The following AATF variants were observed in gnomAD, a reference collection of about 807,000 sequenced individuals.
AATF encodes protein AATF.
Under a neutral mutation model 63.7 loss-of-function variants are expected in AATF, and 48 were observed. That is an observed-to-expected ratio of 0.75 (90% CI 0.60 to 0.96). The LOEUF (loss-of-function observed/expected upper bound fraction) is 0.96. Among genes scored for constraint, AATF ranks in the 40% least tolerant of loss-of-function variants. The pLI is 0.00. For missense variants in AATF, 639 were observed against 685.7 expected, an observed-to-expected ratio of 0.93 and a Z score of 0.76; for synonymous variants, 258 against 247.7, an observed-to-expected ratio of 1.04 and a Z score of -0.39.
At chr17:36,951,699 T>A (rs945443521) in intron 2 of AATF, among the ~76,000 whole-genome samples, 1 of 152,242 alleles carries the variant, frequency 6.6e-6, no homozygotes, top group African/African-American at 2.4e-5. Context: ...GTAAACTCTG[T>A]ATGAATGTTT....
At chr17:37,048,364 T>A (rs10566791) in intron 11 of AATF, among the ~76,000 whole-genome samples, 1 of 65,172 alleles carries the variant, frequency 1.5e-5, no homozygotes, top group African/African-American at 1.8e-4. Context: ...TTTTCTTTTC[T>A]TTTTTTTTTT....
chr17:37,012,185 C>G (rs961536914), intron 8 of AATF, among the ~76,000 whole-genome samples: 2 of 152,020 alleles, frequency 1.3e-5, no homozygotes, highest in African/African-American at 4.8e-5. Context: ...ACCCTAGTAG[C>G]TGGGATTACA....
At position 36,988,652 on chromosome 17, in the gene AATF, G is replaced by A. The variant is rs2071188303; in HGVS notation, c.1081G>A (p.Val361Ile). ...FMAKRFADFT[V>I]YRNRTLQKWH... Reference sequence around the variant, plus strand: ...GGCAAAGCGCTTTGCCGACTTTACAGTCTACAGGAACCGCACACTTCAGAA... The same window carrying A: ...GGCAAAGCGCTTTGCCGACTTTACAATCTACAGGAACCGCACACTTCAGAA... Residue 361 changes from valine (V) to isoleucine (I), a missense_variant, in exon 6 of 12, where the codon GTC becomes ATC. Transcript: ENST00000619387. The A allele has an allele frequency of 2.5e-6, 4 of 1,614,074 alleles. No individual in the cohort carries two copies. Among genetic ancestry groups the A allele is most frequent in the Non-Finnish European group, 3.4e-6 (4 of 1,180,032 alleles).
chr17:37,028,340 G>A (rs962958116), intron 10 of AATF, among the ~76,000 whole-genome samples: 8 of 152,006 alleles, frequency 5.3e-5, no homozygotes, highest in Non-Finnish European at 8.8e-5. Context: ...AGGCAGAGGT[G>A]GGGGGATGGC....
intron 4 of AATF, among the ~76,000 whole-genome samples, chr17:36,954,708 A>G (rs1465248442): frequency 6.6e-6 from 1 of 152,224 alleles, no homozygotes; most frequent in Non-Finnish European, 1.5e-5. Flanking sequence ...ACATGAGAGA[A>G]TTAAGACCCA....
At position 37,021,687 on chromosome 17, in the gene AATF, C is replaced by T. The variant is rs1261580160; in HGVS notation, c.1547+673C>T. 4.9e-5 allele frequency among the ~76,000 whole-genome samples: 4 copies of T among 82,444 alleles called. 1 individual carries two copies. Among genetic ancestry groups the T allele is most frequent in the African/African-American group, 1.5e-4 (1 of 6,758 alleles). The allele number at this position is 82,444 out of a possible 152,430, so 54.1% of individuals were successfully genotyped here. On this transcript the variant is annotated intron_variant, in intron 10 of 11. Transcript: ENST00000619387. ...GGGCGTAGTGGCGGGCGCCTGTAGT[C>T]CCAGCTACTCGGGAGGCTGAGGCAG...
At chr17:37,049,107 A>G (rs773398342) in intron 11 of AATF, among the ~76,000 whole-genome samples, 7 of 152,194 alleles carry the variant, frequency 4.6e-5, no homozygotes, top group Admixed American at 6.5e-5. Context: ...TGAGGAAGCT[A>G]AGATTCAGGG....
At position 37,021,631 on chromosome 17, in the gene AATF, A is replaced by AAAT. The variant is rs200245230; in HGVS notation, c.1547+629_1547+631dup. ...GTGACAGAGCGAGATTCTATCTAAA[A>AAAT]AATAATAATAATAAATACAAAAAAT... On this transcript the variant is annotated intron_variant, in intron 10 of 11. Coordinates refer to ENST00000619387, the MANE Select transcript of AATF (RefSeq NM_012138.4). Among the ~76,000 whole-genome samples, 167 of 128,908 alleles carry AAAT rather than the reference A, an allele frequency of 1.3e-3. 13 individuals are homozygous for AAAT. Among genetic ancestry groups the AAAT allele is most frequent in the African/African-American group, 3.0e-3 (73 of 24,448 alleles). The allele number at this position is 128,908 out of a possible 152,430, so 84.6% of individuals were successfully genotyped here.
chr17:36,957,425 G>A (rs1476505613), intron 4 of AATF, among the ~76,000 whole-genome samples: 1 of 152,210 alleles, frequency 6.6e-6, no homozygotes, highest in African/African-American at 2.4e-5. Context: ...GTGTAACTGA[G>A]CCTCACTAGT....
At chr17:37,000,434 C>T (rs1411841416) in intron 8 of AATF, among the ~76,000 whole-genome samples, 1 of 152,170 alleles carries the variant, frequency 6.6e-6, no homozygotes, top group Admixed American at 6.5e-5. Flanking sequence ...ATATTGCCCC[C>T]TCCTCCCAAC....
chr17:36,968,266 CTTTCTTT>C lies in AATF; in HGVS notation c.832+14363_832+14369del, dbSNP rs2071009473. Among the ~76,000 whole-genome samples the C allele has an allele frequency of 2.1e-3, 158 of 75,560 alleles. 18 individuals are homozygous for C. Among genetic ancestry groups the C allele is most frequent in the African/African-American group, 8.3e-3 (154 of 18,480 alleles). 49.6% of individuals were successfully genotyped at this position (75,560 alleles called of 152,430 possible). ...CTTTTTTCTTTTTCTTTCTTTCCTT[CTTTCTTT>C]TTTTTTTTTTTTTTTTTTTTTTTTT... On this transcript the variant is annotated intron_variant, in intron 4 of 11. Transcript: ENST00000619387.
intron 10 of AATF, among the ~76,000 whole-genome samples, chr17:37,028,054 A>G (rs1035625636): frequency 6.6e-6 from 1 of 152,184 alleles, no homozygotes; most frequent in Non-Finnish European, 1.5e-5. Context: ...AACTTTTGGG[A>G]AGGCATTTTG....
intron 8 of AATF, among the ~76,000 whole-genome samples, chr17:36,997,163 C>G (rs1035136529): frequency 2.0e-5 from 3 of 152,140 alleles, no homozygotes; most frequent in Non-Finnish European, 4.4e-5. Context: ...TGGCACTCCT[C>G]AAGAAATGGA....
intron 8 of AATF, among the ~76,000 whole-genome samples, chr17:37,000,968 A>C (rs1267489869): frequency 6.6e-6 from 1 of 151,754 alleles, no homozygotes; most frequent in African/African-American, 2.4e-5. Flanking sequence ...ACCTCCCACA[A>C]AAAAAAGGTA....
At chr17:37,005,781 C>G (rs2071336597) in intron 8 of AATF, among the ~76,000 whole-genome samples, 1 of 152,060 alleles carries the variant, frequency 6.6e-6, no homozygotes, top group Non-Finnish European at 1.5e-5. Context: ...AGTGGGAACT[C>G]TTGGAAAATC....
Position 36,953,250 on chromosome 17 carries a change from A to C in AATF, c.648A>C (p.Lys216Asn). The change falls in exon 3 of 12, where the codon AAA becomes AAC. Residue 216 changes from lysine (K) to asparagine (N), a missense_variant. Transcript: ENST00000619387. ...TGGTGATGACCTTCTCTAGTGTCAA[A>C]GTTTCTGAGGAAGTGGAGAAAGGAA... ...DGVVMTFSSV[K>N]VSEEVEKGRA... The C allele has an allele frequency of 6.2e-7, 1 of 1,614,188 alleles. No individual in the cohort carries two copies. The highest frequency in any genetic ancestry group is 8.5e-7 in the Non-Finnish European group (1 of 1,180,002).
intron 4 of AATF, among the ~76,000 whole-genome samples, chr17:36,970,541 C>CTTTTTTT (rs773737841): frequency 1.1e-5 from 1 of 87,018 alleles, no homozygotes; most frequent in Non-Finnish European, 2.4e-5. Context: ...TTTCTTTTTT[C>CTTTTTTT]TTTTTTTTTT....
At chr17:36,988,495 A>G in intron 5 of AATF, 24 bp from the exon 6 acceptor site, 4 of 1,610,024 alleles carry the variant, frequency 2.5e-6, no homozygotes, top group Non-Finnish European at 3.4e-6. Flanking sequence ...TACACTGGAC[A>G]TAATATTCTT....
At chr17:37,056,449 T>C (rs1326583361) in intron 11 of AATF, 152 bp from the exon 12 acceptor site, 3 of 698,382 alleles carry the variant, frequency 4.3e-6, no homozygotes, top group Non-Finnish European at 7.2e-6. Context: ...TTCTGTTGTA[T>C]TTGTGAGTAA....
Sources: gnomAD v4.1 joint callset for allele counts (sites outside exome capture counted in the v4.1 genomes callset) on GRCh38, gnomAD v4.1.1 for gene constraint, MANE v1.5 for transcripts, NCBI Gene and HGNC (gene_info 2026-07-23, HGNC 2026-07-21) for gene names.